Variants in TRPC6 observed in about 807,000 individuals in gnomAD.
TRPC6 encodes the protein short transient receptor potential channel 6.
A neutral mutation model predicts 90.7 loss-of-function variants in TRPC6; 55 were observed. That is an observed-to-expected ratio of 0.61 (90% CI 0.49 to 0.76). The LOEUF (loss-of-function observed/expected upper bound fraction) is 0.76, where lower values mean the gene tolerates loss of function less well. Among genes scored for constraint, TRPC6 ranks in the 30% least tolerant of loss-of-function variants. TRPC6 has a pLI of 0.00. For synonymous variants in TRPC6, 393 were observed against 393.0 expected, an observed-to-expected ratio of 1.00 and a Z score of 0.00; for missense variants, 989 against 1,122.7, an observed-to-expected ratio of 0.88 and a Z score of 1.70.
At chr11:101,521,477 G>A (rs1860659779) in intron 1 of TRPC6, among the ~76,000 whole-genome samples, 1 of 152,264 alleles carries the variant, frequency 6.6e-6, no homozygotes, top group African/African-American at 2.4e-5. Flanking sequence ...GTCTACTGCA[G>A]GGGCTGCGCC....
intron 1 of TRPC6, among the ~76,000 whole-genome samples, chr11:101,535,028 T>C (rs1309994711): frequency 6.6e-6 from 1 of 152,002 alleles, no homozygotes. Flanking sequence ...TAGTTGGGCA[T>C]GGTAGCGCAT....
At chr11:101,460,062 T>C (rs181178706) in intron 10 of TRPC6, among the ~76,000 whole-genome samples, 54 of 152,318 alleles carry the variant, frequency 3.5e-4, no homozygotes, top group African/African-American at 1.3e-3. Flanking sequence ...AGTACTTAGT[T>C]CAATACTGTT....
At position 101,456,035 on chromosome 11, in the gene TRPC6, CTATT is replaced by C. The variant is rs547324820; in HGVS notation, c.2485-938_2485-935del. 4.3e-3 allele frequency among the ~76,000 whole-genome samples: 659 copies of C among 152,062 alleles called. 6 individuals are homozygous for C. The highest frequency in any genetic ancestry group is 0.015 in the African/African-American group (636 of 41,490). On this transcript the variant is annotated intron_variant, in intron 10 of 12. Coordinates refer to ENST00000344327, the MANE Select transcript of TRPC6 (RefSeq NM_004621.6). ...GAAAATAGCATCATTTTTCATGTAT[CTATT>C]ATTTCCTTTTTCTTTTACTCACTCT... is the stretch of plus-strand genomic sequence containing the variant.
At chr11:101,489,701 T>C (rs1409676335) in intron 3 of TRPC6, among the ~76,000 whole-genome samples, 1 of 151,896 alleles carries the variant, frequency 6.6e-6, no homozygotes, top group African/African-American at 2.4e-5. Flanking sequence ...ACCATACATA[T>C]GGCAGAGTTA....
intron 10 of TRPC6, among the ~76,000 whole-genome samples, chr11:101,459,173 A>G (rs1331717601): frequency 6.6e-6 from 1 of 152,210 alleles, no homozygotes; most frequent in African/African-American, 2.4e-5. Context: ...TTAAGCCTCC[A>G]AGAATCAAAT....
rs777864901 is a variant in TRPC6, at chr11:101,453,769, A to C, written c.2569-44T>G. On this transcript the variant is annotated intron_variant, in intron 11 of 12. Transcript: ENST00000344327. ...AGAAATCTATGTCAGTTTCAGGTTC[A>C]TGACAAATCTCTCATTTGGAACAAG... is the stretch of plus-strand genomic sequence containing the variant. The C allele has an allele frequency of 1.8e-5, 28 of 1,567,126 alleles. No individual in the cohort carries two copies. In the East Asian group the frequency reaches 5.8e-4, roughly 33 times the overall value.
At chr11:101,493,315 G>A (rs921611350) in intron 2 of TRPC6, among the ~76,000 whole-genome samples, 4 of 152,160 alleles carry the variant, frequency 2.6e-5, no homozygotes, top group African/African-American at 7.2e-5. Context: ...TTTGTGTTGA[G>A]CTGTGTTCAA....
At chr11:101,469,275 A>AGT (rs879581345) in intron 10 of TRPC6, 152 bp downstream of exon 10, 3 of 627,716 alleles carry the variant, frequency 4.8e-6, no homozygotes, top group African/African-American at 1.8e-5. Context: ...TCTACCTCTC[A>AGT]ATAACAGAAT....
chr11:101,489,029 G>A lies in TRPC6; in HGVS notation c.1201C>T (p.Gln401Ter), dbSNP rs1750180658. ...WYENLSGLRQQTMAVKFLVVL... is the reference protein window; with the variant it reads ...WYENLSGLRQ ...ACAAGGAACTTGACCGCCATTGTCT[G>A]CTGTCGTAAACCAGAAAGATTCTCA... is the stretch of plus-strand genomic sequence containing the variant. Residue 401 changes from glutamine to a stop codon, truncating the protein, a stop_gained, in exon 4 of 13, where the codon CAG (glutamine) becomes TAG (stop). Transcript: ENST00000344327. LOFTEE classifies it high-confidence loss of function. The A allele has an allele frequency of 6.2e-7, 1 of 1,614,184 alleles. No individual in the cohort carries two copies. Among genetic ancestry groups the A allele is most frequent in the Non-Finnish European group, 8.5e-7 (1 of 1,179,994 alleles).
At chr11:101,552,972 A>T (rs1395493018) in intron 1 of TRPC6, among the ~76,000 whole-genome samples, 1 of 152,138 alleles carries the variant, frequency 6.6e-6, no homozygotes, top group Non-Finnish European at 1.5e-5. Flanking sequence ...TTATCAGATA[A>T]CGGCTGAGAA....
At chr11:101,537,878 C>CATTTGGGT (rs1861088556) in intron 1 of TRPC6, among the ~76,000 whole-genome samples, 1 of 152,066 alleles carries the variant, frequency 6.6e-6, no homozygotes, top group African/African-American at 2.4e-5. Flanking sequence ...TAGAATGTGT[C>CATTTGGGT]TGATGTTTGT....
chr11:101,491,284 A>C, intron 3 of TRPC6: 2 of 346,354 alleles, frequency 5.8e-6, no homozygotes, highest in Non-Finnish European at 1.1e-5. Flanking sequence ...AATACAAAAA[A>C]TTAGCCGGGC....
intron 1 of TRPC6, among the ~76,000 whole-genome samples, chr11:101,544,026 C>T (rs114803381): frequency 0.019 from 2,838 of 152,186 alleles, 107 homozygotes; most frequent in African/African-American, 0.065. Context: ...TGAACTTAAA[C>T]AAGTTCACAA....
rs111310277 is a variant in TRPC6, at chr11:101,476,993, T to C, written c.1511-459A>G. 3.0e-4 allele frequency among the ~76,000 whole-genome samples: 46 copies of C among 152,210 alleles called. 1 individual carries two copies. Among genetic ancestry groups the C allele is most frequent in the African/African-American group, 1.0e-3 (43 of 41,552 alleles). On this transcript the variant is annotated intron_variant, in intron 5 of 12. Coordinates refer to ENST00000344327, the MANE Select transcript of TRPC6 (RefSeq NM_004621.6). The stretch of plus-strand genomic sequence containing the variant: ...GTGACATCCAACTACAGGAATTTGA[T>C]TGATCACAGGCCTCACCTACTGCCT...
intron 1 of TRPC6, among the ~76,000 whole-genome samples, chr11:101,548,072 G>C (rs985894266): frequency 6.6e-6 from 1 of 151,700 alleles, no homozygotes; most frequent in Non-Finnish European, 1.5e-5. Context: ...CATGTGCAGT[G>C]AATCTATTAT....
chr11:101,563,469 G>T (rs1382445427), intron 1 of TRPC6, among the ~76,000 whole-genome samples: 2 of 152,180 alleles, frequency 1.3e-5, no homozygotes, highest in African/African-American at 2.4e-5. Context: ...GTCTTGAAGA[G>T]TGAATAGGTT....
intron 1 of TRPC6, among the ~76,000 whole-genome samples, chr11:101,565,816 A>AAAAGGCG: frequency 6.6e-6 from 1 of 152,260 alleles, no homozygotes; most frequent in Admixed American, 6.5e-5. Context: ...GTTCTTGGAT[A>AAAAGGCG]AATACACAGT....
At chr11:101,574,307 G>A (rs1313791067) in intron 1 of TRPC6, among the ~76,000 whole-genome samples, 1 of 150,918 alleles carries the variant, frequency 6.6e-6, no homozygotes, top group African/African-American at 2.5e-5. Flanking sequence ...GTGCATAAGA[G>A]TTATATATGA....
At chr11:101,569,033 G>A (rs1256435924) in intron 1 of TRPC6, among the ~76,000 whole-genome samples, 1 of 152,134 alleles carries the variant, frequency 6.6e-6, no homozygotes, top group African/African-American at 2.4e-5. Flanking sequence ...ATGTAAACAG[G>A]CTAAATGCCC....
Sources: allele counts gnomAD v4.1 joint callset (sites outside exome capture counted in the v4.1 genomes callset), GRCh38; gene constraint gnomAD v4.1.1; transcripts MANE v1.5; gene names NCBI Gene and HGNC (gene_info 2026-07-23, HGNC 2026-07-21).